The following PCDH15 variants were observed in gnomAD, a reference collection of about 807,000 sequenced individuals.
The protein encoded by PCDH15 is protocadherin related 15.
A neutral mutation model predicts 178.5 loss-of-function variants in PCDH15; 129 were observed. That is an observed-to-expected ratio of 0.72 (90% CI 0.63 to 0.84). PCDH15 has a LOEUF of 0.84. PCDH15 is among the 40% of genes least tolerant of loss of function. The pLI, the probability that PCDH15 is intolerant of heterozygous loss-of-function variation, is 0.00. For synonymous variants in PCDH15, 800 were observed against 732.0 expected (o/e 1.09, Z -1.50); for missense variants, 2,230 against 2,099.9 (o/e 1.06, Z -1.21).
chr10:54,384,330 T>C (rs1589145283), intron 3 of PCDH15, among the ~76,000 whole-genome samples: 1 of 138,600 alleles, frequency 7.2e-6, no homozygotes, highest in East Asian at 2.1e-4. Context: ...CCCCCCCTTT[T>C]TTTTTTTTAA....
intron 25 of PCDH15, among the ~76,000 whole-genome samples, chr10:53,914,307 A>G (rs1198953998): frequency 1.3e-5 from 2 of 152,240 alleles, no homozygotes; most frequent in Non-Finnish European, 2.9e-5. Context: ...ATAAAGACAC[A>G]TGCACACGTA....
At chr10:55,001,495 G>T (rs1279035080) in intron 2 of PCDH15, among the ~76,000 whole-genome samples, 1 of 152,162 alleles carries the variant, frequency 6.6e-6, no homozygotes, top group Non-Finnish European at 1.5e-5. Context: ...GGGCTCTGTG[G>T]TTCCTAACAT....
chr10:53,829,525 T>C (rs2076896958), intron 30 of PCDH15, among the ~76,000 whole-genome samples: 1 of 152,218 alleles, frequency 6.6e-6, no homozygotes, highest in South Asian at 2.1e-4. Context: ...GATTTAACAT[T>C]ATAATTAATA....
At chr10:55,218,620 G>A (rs188966763) in intron 1 of PCDH15, among the ~76,000 whole-genome samples, 38 of 152,070 alleles carry the variant, frequency 2.5e-4, no homozygotes, top group African/African-American at 7.0e-4. Context: ...GTCATCCTTC[G>A]TTGATAGGTA....
chr10:55,539,992 A>T (rs1309217935), intron 2 of PCDH15, among the ~76,000 whole-genome samples: 1 of 152,106 alleles, frequency 6.6e-6, no homozygotes. Flanking sequence ...CCTGCCAAAG[A>T]TAATATACCT....
At chr10:54,248,986 A>G (rs2056241145) in intron 8 of PCDH15, among the ~76,000 whole-genome samples, 1 of 152,026 alleles carries the variant, frequency 6.6e-6, no homozygotes, top group Non-Finnish European at 1.5e-5. Context: ...CTATAGGTAA[A>G]TAGCAAAAAT....
chr10:55,262,442 C>G (rs570199183), intron 1 of PCDH15, among the ~76,000 whole-genome samples: 15 of 152,112 alleles, frequency 9.9e-5, no homozygotes, highest in African/African-American at 3.4e-4. Flanking sequence ...ACACTGAGAC[C>G]CTAGCGGGCA....
intron 17 of PCDH15, among the ~76,000 whole-genome samples, chr10:54,069,515 A>G (rs2094199705): frequency 6.6e-6 from 1 of 152,200 alleles, no homozygotes; most frequent in Non-Finnish European, 1.5e-5. Flanking sequence ...TCCATGTCTT[A>G]CAGAAATGTA....
chr10:54,238,997 C>A (rs1266111057), intron 8 of PCDH15, among the ~76,000 whole-genome samples: 3 of 152,086 alleles, frequency 2.0e-5, no homozygotes, highest in African/African-American at 7.2e-5. Context: ...GGATTTTCTG[C>A]AGTTCCATTC....
chr10:53,920,972 A>T (rs1470382212), intron 25 of PCDH15, among the ~76,000 whole-genome samples: 2 of 152,188 alleles, frequency 1.3e-5, no homozygotes, highest in African/African-American at 4.8e-5. Context: ...ACAACATATT[A>T]AATAATTCAT....
intron 5 of PCDH15, among the ~76,000 whole-genome samples, chr10:54,368,254 C>A (rs1947106980): frequency 6.6e-6 from 1 of 151,558 alleles, no homozygotes; most frequent in African/African-American, 2.4e-5. Context: ...GTTAAAGGCC[C>A]AAATGATCTG....
chr10:54,084,473 A>C (rs1382734394), intron 16 of PCDH15, among the ~76,000 whole-genome samples: 2 of 151,650 alleles, frequency 1.3e-5, no homozygotes, highest in Non-Finnish European at 2.9e-5. Flanking sequence ...ACTCCATCTC[A>C]AAAAATAAAA....
chr10:55,262,729 C>G (rs1384039541), intron 1 of PCDH15, among the ~76,000 whole-genome samples: 1 of 152,164 alleles, frequency 6.6e-6, no homozygotes, highest in Non-Finnish European at 1.5e-5. Flanking sequence ...TCAACAAAAC[C>G]TTGCGCTCAT....
At chr10:54,148,522 C>T (rs10437400) in intron 14 of PCDH15, among the ~76,000 whole-genome samples, 2,348 of 152,066 alleles carry the variant, frequency 0.015, 75 homozygotes, top group African/African-American at 0.054. Flanking sequence ...ATGTAATGTT[C>T]TCCCCAAATA....
chr10:54,857,847 A>C (rs1953767752), intron 3 of PCDH15, among the ~76,000 whole-genome samples: 2 of 152,314 alleles, frequency 1.3e-5, no homozygotes, highest in South Asian at 2.1e-4. Flanking sequence ...ATTCACAAAT[A>C]AAAATTATAT....
chr10:55,159,388 T>TATATATATATACAC (rs1465817928), intron 2 of PCDH15, among the ~76,000 whole-genome samples: 1 of 19,320 alleles, frequency 5.2e-5, no homozygotes, highest in African/African-American at 8.6e-5. Flanking sequence ...TATATATATA[T>TATATATATATACAC]ACACACATAC....
intron 2 of PCDH15, among the ~76,000 whole-genome samples, chr10:55,342,400 A>G (rs1401323335): frequency 1.3e-5 from 2 of 151,992 alleles, no homozygotes; most frequent in Non-Finnish European, 2.9e-5. Flanking sequence ...GAGAAATTAT[A>G]TTAGGTCATA....
chr10:54,564,646 T>C (rs1046029364), intron 2 of PCDH15, among the ~76,000 whole-genome samples: 16 of 152,186 alleles, frequency 1.1e-4, no homozygotes, highest in African/African-American at 3.9e-4. Context: ...TTTATTTTTA[T>C]TGTTTTTTAG....
intron 15 of PCDH15, among the ~76,000 whole-genome samples, chr10:54,118,989 A>G (rs549286068): frequency 6.6e-6 from 1 of 152,238 alleles, no homozygotes; most frequent in East Asian, 1.9e-4. Flanking sequence ...AAGAAAGAAC[A>G]AAGAAAATAT....
Sources: gnomAD v4.1 joint callset for allele counts (sites outside exome capture counted in the v4.1 genomes callset) on GRCh38, gnomAD v4.1.1 for gene constraint, MANE v1.5 for transcripts, NCBI Gene and HGNC (gene_info 2026-07-23, HGNC 2026-07-21) for gene names.